VSTM4: variants seen among roughly 807,000 people sequenced by gnomAD.
The protein encoded by VSTM4 is V-set and transmembrane domain-containing protein 4.
A neutral mutation model predicts 36.4 loss-of-function variants in VSTM4; 20 were observed. That is an observed-to-expected ratio of 0.55 (90% confidence interval 0.39 to 0.80). VSTM4 has a LOEUF of 0.80. Ranked by LOEUF, VSTM4 falls within the 30% of genes least tolerant of loss-of-function variation. VSTM4 has a pLI of 0.00. For synonymous variants in VSTM4, 182 were observed against 173.9 expected (o/e 1.05, Z -0.37); for missense variants, 392 against 404.5 (o/e 0.97, Z 0.26).
In VSTM4 at chr10:49,082,466, C is replaced by T. The variant is rs572345578; in HGVS notation, c.526+3489G>A. ...ATCACCTGAGGTCGGGAGTTCGAAA[C>T]CAGCCTTGTCAACATGGTGAAACAA... On this transcript the variant is annotated intron_variant, in intron 3 of 7. Coordinates refer to ENST00000332853, the MANE Select transcript of VSTM4 (RefSeq NM_001031746.5). Among the ~76,000 whole-genome samples the T allele has an allele frequency of 3.3e-4, 51 of 152,264 alleles. No homozygotes were observed. The East Asian group carries it at 9.3e-3, about 28-fold the overall frequency.
chr10:49,063,133 G>T (rs1843911528), intron 5 of VSTM4, among the ~76,000 whole-genome samples: 1 of 151,808 alleles, frequency 6.6e-6, no homozygotes, highest in African/African-American at 2.4e-5. Context: ...GAGGTCACGA[G>T]TTTGAGACCA....
At chr10:49,078,962 G>T (rs1456771543) in intron 3 of VSTM4, among the ~76,000 whole-genome samples, 1 of 152,134 alleles carries the variant, frequency 6.6e-6, no homozygotes, top group Non-Finnish European at 1.5e-5. Context: ...CTCCTGAGTA[G>T]CTGGGGCTAC....
chr10:49,085,829 T>C (rs772575056), intron 3 of VSTM4, 126 bp downstream of exon 3: 30 of 537,814 alleles, frequency 5.6e-5, no homozygotes, highest in Non-Finnish European at 9.5e-5. Flanking sequence ...ATGTGGCACA[T>C]GCATATATAT....
At chr10:49,027,361 T>C (rs1590068007) in intron 7 of VSTM4, among the ~76,000 whole-genome samples, 1 of 152,214 alleles carries the variant, frequency 6.6e-6, no homozygotes, top group Non-Finnish European at 1.5e-5. Context: ...TTCACCAACA[T>C]GTGTCCACAG....
chr10:49,072,996 G>A (rs1844108997), intron 4 of VSTM4, among the ~76,000 whole-genome samples: 1 of 152,218 alleles, frequency 6.6e-6, no homozygotes, highest in African/African-American at 2.4e-5. Flanking sequence ...ACCCGTGTGT[G>A]TTGACAGGAA....
intron 7 of VSTM4, among the ~76,000 whole-genome samples, chr10:49,031,977 A>G (rs1007861423): frequency 1.8e-4 from 28 of 152,034 alleles, no homozygotes; most frequent in African/African-American, 6.8e-4. Flanking sequence ...CCACAGAGCC[A>G]TGTGTCTCAT....
At chr10:49,024,430 T>C (rs1843227062) in intron 7 of VSTM4, among the ~76,000 whole-genome samples, 1 of 152,166 alleles carries the variant, frequency 6.6e-6, no homozygotes, top group African/African-American at 2.4e-5. Flanking sequence ...GAAATTCTTC[T>C]AACTCTCAGA....
Position 49,014,605 on chromosome 10 carries a change from G to T in VSTM4, c.*5045C>A, listed in dbSNP as rs1033699208. The T allele has an allele frequency of 1.2e-4, 3 of 24,266 alleles. No homozygotes were observed. The Non-Finnish European group carries it at 2.1e-3, about 17-fold the overall frequency. The allele number at this position is 24,266 out of a possible 1,614,324, so 1.5% of individuals were successfully genotyped here. On this transcript the variant is annotated 3_prime_UTR_variant, in exon 8 of 8. Coordinates refer to ENST00000332853, the MANE Select transcript of VSTM4 (RefSeq NM_001031746.5). ...ACGTCTGTTAGCCTTAGGCACTGGGGAATGTTTTTTTTTTCCCAGAGAAAG... is the reference window on the plus strand; with the variant it reads ...ACGTCTGTTAGCCTTAGGCACTGGGTAATGTTTTTTTTTTCCCAGAGAAAG...
intron 2 of VSTM4, chr10:49,103,946 T>C (rs1261453551): frequency 2.7e-6 from 3 of 1,104,816 alleles, no homozygotes; most frequent in Non-Finnish European, 4.0e-6. Flanking sequence ...CCCCAAGAGC[T>C]CCTGTTTGAT....
chr10:49,062,603 G>A (rs943720685), intron 5 of VSTM4, among the ~76,000 whole-genome samples: 3 of 152,112 alleles, frequency 2.0e-5, no homozygotes, highest in Non-Finnish European at 2.9e-5. Flanking sequence ...ATTATGCCTG[G>A]CATTCACTCA....
chr10:49,071,185 A>C (rs1844072833), intron 4 of VSTM4, among the ~76,000 whole-genome samples: 2 of 152,240 alleles, frequency 1.3e-5, no homozygotes, highest in Non-Finnish European at 2.9e-5. Context: ...GAAAGAAGCC[A>C]GGCCACTCCT....
intron 7 of VSTM4, among the ~76,000 whole-genome samples, chr10:49,046,147 G>C (rs545513286): frequency 5.3e-5 from 8 of 152,240 alleles, no homozygotes; most frequent in African/African-American, 1.9e-4. Context: ...GTCAATTAAA[G>C]CTCTTTATAA....
rs150774050 is a variant in VSTM4, at chr10:49,060,723, G to A, written c.668+3980C>T. Among the ~76,000 whole-genome samples, 57 of 152,244 alleles carry A rather than the reference G, an allele frequency of 3.7e-4. 1 individual carries two copies. Among genetic ancestry groups the A allele is most frequent in the African/African-American group, 1.3e-3 (55 of 41,560 alleles). ...CAATTCTTTCATTTATGGATTCTGT[G>A]TTTAGTATCACTTTGCCCAACCCAA... On this transcript the variant is annotated intron_variant, in intron 5 of 7. Transcript: ENST00000332853.
chr10:49,037,099 A>C (rs1843442705), intron 7 of VSTM4, among the ~76,000 whole-genome samples: 1 of 152,220 alleles, frequency 6.6e-6, no homozygotes, highest in Non-Finnish European at 1.5e-5. Context: ...AGGGAGAGTC[A>C]CAAGGACTTT....
chr10:49,111,372 G>T (rs1360139382), intron 1 of VSTM4, among the ~76,000 whole-genome samples: 1 of 152,182 alleles, frequency 6.6e-6, no homozygotes, highest in Non-Finnish European at 1.5e-5. Flanking sequence ...GTGTCCAGAG[G>T]CAGGAGACAG....
chr10:49,115,174 G>C (rs971538776), intron 1 of VSTM4, among the ~76,000 whole-genome samples: 1 of 151,738 alleles, frequency 6.6e-6, no homozygotes, highest in Admixed American at 6.6e-5. Context: ...CGGCTGCTGC[G>C]AGAGTACCCA....
chr10:49,108,560 A>G (rs1187962925), intron 1 of VSTM4, among the ~76,000 whole-genome samples: 1 of 152,216 alleles, frequency 6.6e-6, no homozygotes, highest in Non-Finnish European at 1.5e-5. Context: ...AACTGTACCC[A>G]GGGCAGATGA....
intron 2 of VSTM4, among the ~76,000 whole-genome samples, chr10:49,086,584 A>C (rs1195542104): frequency 6.6e-6 from 1 of 152,250 alleles, no homozygotes; most frequent in African/African-American, 2.4e-5. Context: ...GAATTGAGTT[A>C]CACTGTGTGA....
chr10:49,030,829 T>C (rs2254393), intron 7 of VSTM4, among the ~76,000 whole-genome samples: 102,515 of 152,098 alleles, frequency 0.67, 36,467 homozygotes, highest in Non-Finnish European at 0.8. Context: ...TCGTTCAAGT[T>C]TCTACAAGTT....
Sources: gnomAD v4.1 joint callset for allele counts (sites outside exome capture counted in the v4.1 genomes callset) on GRCh38, gnomAD v4.1.1 for gene constraint, MANE v1.5 for transcripts, NCBI Gene and HGNC (gene_info 2026-07-23, HGNC 2026-07-21) for gene names.